The following A4GALT variants were observed in gnomAD, a reference collection of about 807,000 sequenced individuals.
The protein encoded by A4GALT is alpha 1,4-galactosyltransferase (P1PK blood group).
For synonymous variants in A4GALT, 257 were observed against 220.7 expected, an observed-to-expected ratio of 1.16 and a Z score of -1.46; for missense variants, 512 against 486.0, an observed-to-expected ratio of 1.05 and a Z score of -0.50.
At chr22:42,720,152 C>A (rs1356201859) in intron 1 of A4GALT, among the ~76,000 whole-genome samples, 1 of 152,190 alleles carries the variant, frequency 6.6e-6, no homozygotes, top group Non-Finnish European at 1.5e-5. Context: ...GGGGCGCCTG[C>A]GGATCCGAGG....
At position 42,693,945 on chromosome 22, in the gene A4GALT, T is replaced by G; in HGVS notation, c.7A>C (p.Lys3Gln). The G allele has an allele frequency of 6.3e-7, 1 of 1,582,760 alleles. No individual in the cohort carries two copies. The change falls in exon 3 of 3, where the codon AAG becomes CAG. Residue 3 changes from lysine to glutamine, a missense_variant. By Grantham distance (53) the Lys-to-Gln change is moderately conservative. Coordinates refer to ENST00000642412, the MANE Select transcript of A4GALT (RefSeq NM_017436.7). ...AGCCGCAGCAGGAGGTCGGGGGGCTTGGACATGGTATCCCCAGATCAGACC... is the reference window on the plus strand; with the variant it reads ...AGCCGCAGCAGGAGGTCGGGGGGCTGGGACATGGTATCCCCAGATCAGACC... MS[K>Q]PPDLLLRLLR...
chr22:42,720,574 G>A (rs913610263), intron 1 of A4GALT, among the ~76,000 whole-genome samples: 3 of 152,072 alleles, frequency 2.0e-5, no homozygotes, highest in African/African-American at 7.2e-5. Context: ...CCGCCGCCGC[G>A]CTCCACTTCG....
At chr22:42,709,524 T>C (rs1189767386) in intron 1 of A4GALT, among the ~76,000 whole-genome samples, 1 of 152,058 alleles carries the variant, frequency 6.6e-6, no homozygotes, top group Non-Finnish European at 1.5e-5. Flanking sequence ...GTACGGTGGC[T>C]CGTGCCTGTA....
At chr22:42,714,156 T>A (rs568671822) in intron 1 of A4GALT, among the ~76,000 whole-genome samples, 1 of 151,326 alleles carries the variant, frequency 6.6e-6, no homozygotes, top group Admixed American at 6.6e-5. Context: ...GGGGTGGTAG[T>A]CCTAGCTATT....
At chr22:42,720,135 G>T (rs1346503420) in intron 1 of A4GALT, among the ~76,000 whole-genome samples, 1 of 152,192 alleles carries the variant, frequency 6.6e-6, no homozygotes, top group Non-Finnish European at 1.5e-5. Context: ...CAGCTGGAGA[G>T]GAGGGAGGGG....
At chr22:42,702,303 C>T (rs969858280) in intron 1 of A4GALT, among the ~76,000 whole-genome samples, 6 of 150,976 alleles carry the variant, frequency 4.0e-5, no homozygotes, top group East Asian at 3.9e-4. Flanking sequence ...TGTCCCCCCC[C>T]GGAAAAAGGG....
intron 1 of A4GALT, among the ~76,000 whole-genome samples, chr22:42,712,696 G>T (rs1213663237): frequency 6.6e-6 from 1 of 152,148 alleles, no homozygotes; most frequent in Non-Finnish European, 1.5e-5. Context: ...ATCACTTGAG[G>T]CCAGAAGTTC....
chr22:42,697,646 G>T (rs1238126056), intron 1 of A4GALT, among the ~76,000 whole-genome samples: 1 of 152,160 alleles, frequency 6.6e-6, no homozygotes, highest in Non-Finnish European at 1.5e-5. Context: ...CAAGACCCAG[G>T]AATAGAAACT....
intron 1 of A4GALT, among the ~76,000 whole-genome samples, chr22:42,698,377 G>A (rs1931081978): frequency 6.6e-6 from 1 of 152,202 alleles, no homozygotes; most frequent in African/African-American, 2.4e-5. Context: ...AGCATCAGGG[G>A]CTAGGCCCAA....
intron 1 of A4GALT, among the ~76,000 whole-genome samples, chr22:42,701,261 G>A (rs990044622): frequency 4.6e-5 from 7 of 152,170 alleles, no homozygotes; most frequent in African/African-American, 1.7e-4. Flanking sequence ...CACAAGACAG[G>A]CCACCTCTCT....
At chr22:42,710,867 C>CA (rs890154865) in intron 1 of A4GALT, among the ~76,000 whole-genome samples, 9 of 151,404 alleles carry the variant, frequency 5.9e-5, no homozygotes, top group Middle Eastern at 3.4e-3. Context: ...ACTAAAAATA[C>CA]AAAAAAAATT....
intron 2 of A4GALT, 54 bp downstream of exon 2, chr22:42,695,437 C>T (rs1930855974): frequency 6.6e-6 from 1 of 152,252 alleles, no homozygotes; most frequent in South Asian, 2.1e-4. Flanking sequence ...AGGCTGGGCC[C>T]TTCCCAGGGT....
Position 42,693,312 on chromosome 22 carries a change from A to T in A4GALT, c.640T>A (p.Tyr214Asn), listed in dbSNP as rs1033003135. The part of the protein sequence containing the change: ...LTNVLGTQSR[Y>N]VLNGAFLAFE... ...GCCAGGAACGCGCCGTTGAGGACGT[A>T]GCGGGACTGGGTGCCCAGCACGTTG... Residue 214 changes from tyrosine to asparagine, a missense_variant, in exon 3 of 3, where the codon TAC becomes AAC. Physicochemically the swap from Tyr to Asn is moderately radical, Grantham distance 143. Transcript: ENST00000642412. 1.9e-6 allele frequency: 3 copies of T among 1,612,992 alleles called. No homozygotes were observed. Among genetic ancestry groups the T allele is most frequent in the Non-Finnish European group, 2.5e-6 (3 of 1,179,994 alleles).
Position 42,692,995 on chromosome 22 carries a change from C to A in A4GALT, c.957G>T (p.Lys319Asn). 1 of 1,613,648 alleles carries A rather than the reference C, an allele frequency of 6.2e-7. No individual in the cohort carries two copies. Among genetic ancestry groups the A allele is most frequent in the Non-Finnish European group, 8.5e-7 (1 of 1,179,988 alleles). The change falls in exon 3 of 3, where the codon AAG becomes AAT. Residue 319 changes from lysine (K) to asparagine (N), a missense_variant. By Grantham distance (94) the Lys-to-Asn change is moderately conservative (BLOSUM62 0). Coordinates refer to ENST00000642412, the MANE Select transcript of A4GALT (RefSeq NM_017436.7). This position sits in a 1 kb window ranked among gnomAD's most constrained non-coding sequence, Gnocchi z 4.6. The stretch of plus-strand genomic sequence containing the variant: ...CCTCGAACCGCGTGCCCTGGCTCTT[C>A]TTGTTCCACACGTGGACAGCATAGG... The part of the protein sequence containing the change: ...SATYAVHVWN[K>N]KSQGTRFEAT...
Position 42,693,786 on chromosome 22 carries a change from G to A in A4GALT, c.166C>T (p.Pro56Ser). The A allele has an allele frequency of 3.1e-6, 5 of 1,601,472 alleles. No individual in the cohort carries two copies. Among genetic ancestry groups the A allele is most frequent in the Non-Finnish European group, 4.3e-6 (5 of 1,174,118 alleles). The change falls in exon 3 of 3, where the codon CCA becomes TCA. Residue 56 changes from proline to serine, a missense_variant. Transcript: ENST00000642412. Reference protein sequence around the residue: ...PKEKGQLYNLPAEIPCPTLTP... With the variant: ...PKEKGQLYNLSAEIPCPTLTP... ...AAGGTGGGGCAGGGGATCTCTGCTG[G>A]CAGGTTATAGAGCTGCCCTTTCTCC...
chr22:42,705,439 T>G (rs974277558), intron 1 of A4GALT, among the ~76,000 whole-genome samples: 3 of 147,158 alleles, frequency 2.0e-5, no homozygotes, highest in Non-Finnish European at 4.5e-5. Flanking sequence ...CTCTCTCTAC[T>G]GAAAATACAA....
At position 42,693,732 on chromosome 22, in the gene A4GALT, G is replaced by A; in HGVS notation, c.220C>T (p.Pro74Ser). ...AGGAAGAAGATGTTGCCTGGAGTGG[G>A]GCCGTGGGAGGGTGGGGTGGGGGGT... ...LTPPTPPSHG[P>S]TPGNIFFLET... Residue 74 changes from proline (P) to serine (S), a missense_variant, in exon 3 of 3, where the codon CCC (proline) becomes TCC (serine). By Grantham distance (74) the Pro-to-Ser change is moderately conservative. Coordinates refer to ENST00000642412, the MANE Select transcript of A4GALT (RefSeq NM_017436.7). The A allele has an allele frequency of 6.2e-7, 1 of 1,612,278 alleles. No individual in the cohort carries two copies. Among genetic ancestry groups the A allele is most frequent in the Non-Finnish European group, 8.5e-7 (1 of 1,179,458 alleles).
rs1340296476 is a variant in A4GALT at position 42,692,672 on chromosome 22, G to A, written c.*218C>T. The A allele has an allele frequency of 2.9e-6, 2 of 698,542 alleles. No individual in the cohort carries two copies. The highest frequency in any genetic ancestry group is 5.2e-6 in the Non-Finnish European group (2 of 386,694). The allele number at this position is 698,542 out of a possible 1,614,324, so 43.3% of individuals were successfully genotyped here. A position where few individuals can be genotyped will look rare whatever the true frequency, so the allele number is the denominator to read the frequency against. On this transcript the variant is annotated 3_prime_UTR_variant, in exon 3 of 3. Transcript: ENST00000642412. The surrounding 1 kb of genome is among the most constrained non-coding windows in gnomAD (Gnocchi z 4.6). ...GGGCACTCACTGAGCGCCCTCCGCT[G>A]GCTATGGCACCATGTGTCAGCCCTG...
chr22:42,708,318 C>T (rs1199204069), intron 1 of A4GALT, among the ~76,000 whole-genome samples: 1 of 152,022 alleles, frequency 6.6e-6, no homozygotes, highest in African/African-American at 2.4e-5. Flanking sequence ...AAGGAGGTTG[C>T]AGTGAGCCGA....
Sources: gnomAD v4.1 joint callset for allele counts (sites outside exome capture counted in the v4.1 genomes callset) on GRCh38, gnomAD v4.1.1 for gene constraint, Gnocchi (gnomAD v3.1) non-coding constraint, MANE v1.5 for transcripts, NCBI Gene and HGNC (gene_info 2026-07-23, HGNC 2026-07-21) for gene names.